SGCZ: variants seen among roughly 807,000 people sequenced by gnomAD.
SGCZ encodes zeta-sarcoglycan.
SGCZ carries 40 observed loss-of-function variants against 41.3 expected under a neutral mutation model. The ratio of observed to expected loss-of-function variants is 0.97; its 90% confidence interval spans 0.75 to 1.26. The LOEUF (loss-of-function observed/expected upper bound fraction) is 1.26. Ranked by LOEUF, SGCZ falls within the 50% of genes most tolerant of loss-of-function variation. The pLI, the probability that SGCZ is intolerant of heterozygous loss-of-function variation, is 0.00. For synonymous variants in SGCZ, 206 were observed against 137.5 expected, an observed-to-expected ratio of 1.50 and a Z score of -3.49; for missense variants, 552 against 369.8, an observed-to-expected ratio of 1.49 and a Z score of -4.04.
chr8:14,375,291 T>C (rs1378773712), intron 2 of SGCZ, among the ~76,000 whole-genome samples: 1 of 152,112 alleles, frequency 6.6e-6, no homozygotes, highest in Non-Finnish European at 1.5e-5. Context: ...CTATTGGAAA[T>C]GCAAAGAGAA....
intron 1 of SGCZ, among the ~76,000 whole-genome samples, chr8:15,233,604 A>G (rs1802028901): frequency 6.6e-6 from 1 of 152,060 alleles, no homozygotes; most frequent in African/African-American, 2.4e-5. Context: ...TGAAATGTTG[A>G]TTCAATTAAG....
At chr8:15,227,482 C>T (rs1037962873) in intron 1 of SGCZ, among the ~76,000 whole-genome samples, 5 of 152,098 alleles carry the variant, frequency 3.3e-5, no homozygotes, top group African/African-American at 9.7e-5. Flanking sequence ...AAACTTTAGA[C>T]ATTAGATTAC....
intron 1 of SGCZ, among the ~76,000 whole-genome samples, chr8:14,758,368 A>AT (rs374520676): frequency 2.2e-4 from 34 of 151,698 alleles, no homozygotes; most frequent in Admixed American, 4.6e-4. Context: ...ATTAATACTG[A>AT]TTTTTTTTTA....
chr8:14,411,109 T>C (rs889793934), intron 2 of SGCZ, among the ~76,000 whole-genome samples: 1 of 152,126 alleles, frequency 6.6e-6, no homozygotes, highest in Non-Finnish European at 1.5e-5. Context: ...AATATCATTA[T>C]GGCGCCAACC....
intron 1 of SGCZ, among the ~76,000 whole-genome samples, chr8:14,661,128 C>G (rs906656531): frequency 6.6e-6 from 1 of 152,064 alleles, no homozygotes; most frequent in Non-Finnish European, 1.5e-5. Flanking sequence ...ATGGAAACAT[C>G]ATACATAAGC....
intron 2 of SGCZ, among the ~76,000 whole-genome samples, chr8:14,364,115 T>G (rs184377471): frequency 4.6e-5 from 7 of 152,278 alleles, no homozygotes; most frequent in Non-Finnish European, 8.8e-5. Flanking sequence ...TATAGTGTAG[T>G]TTATTTTGTG....
At chr8:14,615,619 C>T (rs538631257) in intron 1 of SGCZ, among the ~76,000 whole-genome samples, 176 of 152,202 alleles carry the variant, frequency 1.2e-3, no homozygotes, top group African/African-American at 3.9e-3. Context: ...AACATCACCC[C>T]GGAAGAACCC....
At chr8:14,263,679 G>T (rs1464449410) in intron 3 of SGCZ, among the ~76,000 whole-genome samples, 1 of 152,154 alleles carries the variant, frequency 6.6e-6, no homozygotes, top group Non-Finnish European at 1.5e-5. Flanking sequence ...ATCAAATTTA[G>T]CAACTATTCA....
chr8:14,540,113 G>C (rs1031779092), intron 2 of SGCZ, among the ~76,000 whole-genome samples: 2 of 151,686 alleles, frequency 1.3e-5, no homozygotes, highest in East Asian at 1.9e-4. Flanking sequence ...TGGCAGAGAA[G>C]GTCCTTTGTG....
intron 1 of SGCZ, among the ~76,000 whole-genome samples, chr8:14,788,356 G>T (rs577003710): frequency 6.6e-6 from 1 of 152,148 alleles, no homozygotes. Context: ...TTCTCTAAGT[G>T]TTGGCTTCCT....
chr8:15,097,865 T>TATATATATATATATATAC lies in SGCZ; in HGVS notation c.39+139719_39+139720insGTATATATATATATATAT, dbSNP rs1563124036. ...GTGTATATATATATATACGTGTGTGTGTATATATATATATATACGTGTGTA... is the reference window on the plus strand; with the variant it reads ...GTGTATATATATATATACGTGTGTGTATATATATATATATATACGTATATATATATATATACGTGTGTA... On this transcript the variant is annotated intron_variant, in intron 1 of 7. Coordinates refer to ENST00000382080, the MANE Select transcript of SGCZ (RefSeq NM_139167.4). Among the ~76,000 whole-genome samples, 6 of 20,134 alleles carry TATATATATATATATATAC rather than the reference T, an allele frequency of 3.0e-4. 1 individual carries two copies. Among genetic ancestry groups the TATATATATATATATATAC allele is most frequent in the Admixed American group, 1.6e-3 (2 of 1,230 alleles). 13.2% of individuals were successfully genotyped at this position (20,134 alleles called of 152,430 possible). A position where few individuals can be genotyped will look rare whatever the true frequency, so the allele number is the denominator to read the frequency against.
In SGCZ at chr8:14,129,172, C is replaced by G. The variant is rs141057743; in HGVS notation, c.548-20937G>C. On this transcript the variant is annotated intron_variant, in intron 5 of 7. Transcript: ENST00000382080. ...GACCACCCTGGCCAACATGGTGAAA[C>G]CCCTCTCTACTAAAAATACAAAAAA... 6.5e-3 allele frequency among the ~76,000 whole-genome samples: 961 copies of G among 148,846 alleles called. 6 individuals are homozygous for G. Among genetic ancestry groups the G allele is most frequent in the African/African-American group, 0.022 (912 of 40,864 alleles).
At chr8:14,128,598 T>C (rs1293728997) in intron 5 of SGCZ, among the ~76,000 whole-genome samples, 1 of 152,150 alleles carries the variant, frequency 6.6e-6, no homozygotes, top group Non-Finnish European at 1.5e-5. Context: ...TACTTGTAAC[T>C]ACATGTTTAC....
At chr8:14,320,696 T>A (rs1801888052) in intron 3 of SGCZ, among the ~76,000 whole-genome samples, 2 of 152,068 alleles carry the variant, frequency 1.3e-5, no homozygotes, top group South Asian at 4.1e-4. Flanking sequence ...AAGACTGATG[T>A]GCTTAACTGT....
At chr8:14,438,135 G>A (rs1489582276) in intron 2 of SGCZ, among the ~76,000 whole-genome samples, 3 of 151,912 alleles carry the variant, frequency 2.0e-5, no homozygotes, top group African/African-American at 7.2e-5. Flanking sequence ...GATTCTAAAG[G>A]AACACAATAG....
Position 14,593,788 on chromosome 8 carries a change from T to C in SGCZ, c.40-38862A>G, listed in dbSNP as rs114170877. Among the ~76,000 whole-genome samples the C allele has an allele frequency of 4.3e-3, 652 of 152,314 alleles. 7 individuals carry two copies. The highest frequency in any genetic ancestry group is 0.015 in the African/African-American group (623 of 41,554). On this transcript the variant is annotated intron_variant, in intron 1 of 7. Coordinates refer to ENST00000382080, the MANE Select transcript of SGCZ (RefSeq NM_139167.4). ...TCCCTAGACTGCTTCCCTAAGGGAATAGACTGAATTTGGTTGAAAGGGTAC... is the reference window on the plus strand; with the variant it reads ...TCCCTAGACTGCTTCCCTAAGGGAACAGACTGAATTTGGTTGAAAGGGTAC...
intron 1 of SGCZ, among the ~76,000 whole-genome samples, chr8:15,179,608 A>G (rs1477061017): frequency 6.6e-6 from 1 of 152,232 alleles, no homozygotes; most frequent in Non-Finnish European, 1.5e-5. Flanking sequence ...AAATGGCACA[A>G]AGCATGGTAC....
At chr8:15,061,861 T>C (rs1302008588) in intron 1 of SGCZ, among the ~76,000 whole-genome samples, 1 of 152,204 alleles carries the variant, frequency 6.6e-6, no homozygotes, top group Admixed American at 6.5e-5. Flanking sequence ...CTACAAGTTG[T>C]TCAAGTTAAA....
chr8:14,912,097 C>T (rs549947436), intron 1 of SGCZ, among the ~76,000 whole-genome samples: 11 of 151,986 alleles, frequency 7.2e-5, no homozygotes, highest in African/African-American at 2.4e-4. Context: ...TTTCTAGACA[C>T]GTAAGCACCA....
Sources: gnomAD v4.1 joint callset for allele counts (sites outside exome capture counted in the v4.1 genomes callset) on GRCh38, gnomAD v4.1.1 for gene constraint, MANE v1.5 for transcripts, NCBI Gene and HGNC (gene_info 2026-07-23, HGNC 2026-07-21) for gene names.